ADAMTS17: variants seen among roughly 807,000 people sequenced by gnomAD.
The protein encoded by ADAMTS17 is ADAM metallopeptidase with thrombospondin type 1 motif 17.
In ADAMTS17, 113 loss-of-function variants were observed where a neutral mutation model predicts 141.5. The ratio of observed to expected loss-of-function variants is 0.80; its 90% CI spans 0.69 to 0.93. The LOEUF is 0.93. Ranked by LOEUF, ADAMTS17 falls within the 40% of genes least tolerant of loss-of-function variation. The pLI is 0.00. For synonymous variants in ADAMTS17, 768 were observed against 630.6 expected, an observed-to-expected ratio of 1.22 and a Z score of -3.27; for missense variants, 1,659 against 1,517.9, an observed-to-expected ratio of 1.09 and a Z score of -1.54.
Position 100,281,287 on chromosome 15 carries a change from A to G in ADAMTS17, c.731T>C (p.Met244Thr), listed in dbSNP as rs1351423563. The G allele has an allele frequency of 6.2e-7, 1 of 1,608,498 alleles. No homozygotes were observed. The highest frequency in any genetic ancestry group is 1.1e-5 in the South Asian group (1 of 91,020). The change falls in exon 4 of 22, where the codon ATG (methionine) becomes ACG (threonine). Residue 244 changes from methionine (M) to threonine (T), a missense_variant. Met to Thr is a moderately conservative substitution (Grantham distance 81). Transcript: ENST00000268070. ...GGCCTCGGCCCCGTGGTACTGCACC[A>G]TGTCGGCGTCGGCCACCACCAGGGT... Reference protein sequence around the residue: ...VETLVVADADMVQYHGAEAAQ... With the variant: ...VETLVVADADTVQYHGAEAAQ...
At chr15:100,309,409 C>T (rs867420543) in intron 3 of ADAMTS17, among the ~76,000 whole-genome samples, 1 of 152,186 alleles carries the variant, frequency 6.6e-6, no homozygotes, top group African/African-American at 2.4e-5. Flanking sequence ...TGATGGTGGT[C>T]GGCGCTGGGA....
intron 3 of ADAMTS17, among the ~76,000 whole-genome samples, chr15:100,303,376 T>G (rs185157225): frequency 7.9e-5 from 12 of 151,806 alleles, no homozygotes; most frequent in Non-Finnish European, 1.3e-4. Flanking sequence ...ACCGGACATA[T>G]GATTTAAAGA....
chr15:100,057,840 G>A lies in ADAMTS17; in HGVS notation c.2138-3786C>T, dbSNP rs78217151. On this transcript the variant is annotated intron_variant, in intron 15 of 21. Transcript: ENST00000268070. ...AGAGGACAGGCAGGAGTGCCAGTGC[G>A]GAGAGAAACCGTTTCTCCTGTGACA... 8.1e-3 allele frequency among the ~76,000 whole-genome samples: 1,233 copies of A among 152,156 alleles called. 13 individuals are homozygous for A. The highest frequency in any genetic ancestry group is 0.028 in the African/African-American group (1,162 of 41,492).
At chr15:100,235,779 G>A (rs1054299964) in intron 7 of ADAMTS17, among the ~76,000 whole-genome samples, 13 of 152,182 alleles carry the variant, frequency 8.5e-5, no homozygotes, top group African/African-American at 3.1e-4. Flanking sequence ...CACAGCCAAT[G>A]ATGATGGGGC....
At chr15:100,147,940 G>A (rs1207100088) in intron 10 of ADAMTS17, among the ~76,000 whole-genome samples, 2 of 152,250 alleles carry the variant, frequency 1.3e-5, no homozygotes, top group Non-Finnish European at 2.9e-5. Flanking sequence ...GAGGCTGTGA[G>A]GTTTCCTCGC....
rs189002965 is a variant in ADAMTS17, at chr15:99,971,782, C to A, written c.*2620G>T. The A allele has an allele frequency of 6.6e-6, 1 of 152,170 alleles. No homozygotes were observed. Among genetic ancestry groups the A allele is most frequent in the Non-Finnish European group, 1.5e-5 (1 of 68,020 alleles). The allele number at this position is 152,170 out of a possible 1,614,324, so 9.4% of individuals were successfully genotyped here. ...GTAGGGTCGTGAGACTCTGGTAACA[C>A]GTGCGTTAGTGACACGTGTGCAAGC... On this transcript the variant is annotated 3_prime_UTR_variant, in exon 22 of 22. Coordinates refer to ENST00000268070, the MANE Select transcript of ADAMTS17 (RefSeq NM_139057.4).
chr15:100,081,248 T>A (rs543526142), intron 15 of ADAMTS17, among the ~76,000 whole-genome samples: 134 of 152,182 alleles, frequency 8.8e-4, no homozygotes, highest in Non-Finnish European at 1.2e-3. Flanking sequence ...GACCCCAAGT[T>A]CTTCAGTTTT....
At chr15:100,269,412 TA>T (rs2043827778) in intron 4 of ADAMTS17, among the ~76,000 whole-genome samples, 1 of 152,268 alleles carries the variant, frequency 6.6e-6, no homozygotes, top group East Asian at 1.9e-4. Flanking sequence ...CTGTGGTAAC[TA>T]GACACATTGC....
chr15:100,117,199 T>C (rs988336470), intron 12 of ADAMTS17, among the ~76,000 whole-genome samples, 186 bp from the exon 13 acceptor site: 5 of 152,152 alleles, frequency 3.3e-5, no homozygotes, highest in Admixed American at 6.5e-5. Context: ...CATGTTTAAG[T>C]GAGCCCTCTG....
intron 7 of ADAMTS17, among the ~76,000 whole-genome samples, chr15:100,210,086 T>C (rs1336057087): frequency 6.6e-6 from 1 of 151,596 alleles, no homozygotes; most frequent in Non-Finnish European, 1.5e-5. Context: ...TACAAAAAAT[T>C]AGCCGGGCAT....
chr15:100,101,774 G>GTT (rs991990583), intron 14 of ADAMTS17, among the ~76,000 whole-genome samples: 8 of 152,180 alleles, frequency 5.3e-5, no homozygotes, highest in Non-Finnish European at 1.2e-4. Flanking sequence ...GATGGTACTT[G>GTT]TTTTTTCTGG....
rs111334418 is a variant in ADAMTS17 at position 100,024,907 on chromosome 15, T to C, written c.2591+23950A>G. On this transcript the variant is annotated intron_variant, in intron 18 of 21. Transcript: ENST00000268070. ...TGACCTGCTTCAAGTAAATAAACAA[T>C]AAGAACCACACTAACTGGACCCTTC... 2.1e-3 allele frequency among the ~76,000 whole-genome samples: 314 copies of C among 152,280 alleles called. 2 individuals carry two copies. Among genetic ancestry groups the C allele is most frequent in the African/African-American group, 6.9e-3 (288 of 41,566 alleles).
chr15:100,296,578 GGGGTGTGTGTGTGT>G (rs1239453054), intron 3 of ADAMTS17, among the ~76,000 whole-genome samples: 2 of 127,612 alleles, frequency 1.6e-5, no homozygotes, highest in Admixed American at 9.3e-5. Flanking sequence ...GGGGTGAGGG[GGGGTGTGTGTGTGT>G]GTGTGTGTGT....
chr15:100,023,773 A>G lies in ADAMTS17; in HGVS notation c.2591+25084T>C, dbSNP rs190639156. 3.3e-5 allele frequency among the ~76,000 whole-genome samples: 5 copies of G among 152,336 alleles called. No individual in the cohort carries two copies. In the East Asian group the frequency reaches 9.6e-4, roughly 29 times the overall value. ...ATGGTTCTCTATGAAGAAAACTGAC[A>G]AGTGACCTGGAGCTTACAAAAATGA... On this transcript the variant is annotated intron_variant, in intron 18 of 21. Transcript: ENST00000268070.
rs116009280 is a variant in ADAMTS17 at position 100,181,071 on chromosome 15, G to A, written c.1181+18247C>T. Among the ~76,000 whole-genome samples, 336 of 152,324 alleles carry A rather than the reference G, an allele frequency of 2.2e-3. 3 individuals are homozygous for A. The highest frequency in any genetic ancestry group is 7.0e-3 in the African/African-American group (293 of 41,570). On this transcript the variant is annotated intron_variant, in intron 8 of 21. Transcript: ENST00000268070. ...TCCTCCCTCCTCTTTCACAGGCAGA[G>A]GAGCCTCTTCCTGTGGCCACCGCCA...
rs150759919 is a variant in ADAMTS17, at chr15:100,152,061, G to A, written c.1473+551C>T. ...GTGAAGACTAATTGGGATCACACAT[G>A]TTGGAAGCGTTAGTACCAAACACTT... On this transcript the variant is annotated intron_variant, in intron 10 of 21. Coordinates refer to ENST00000268070, the MANE Select transcript of ADAMTS17 (RefSeq NM_139057.4). Among the ~76,000 whole-genome samples, 83 of 152,340 alleles carry A rather than the reference G, an allele frequency of 5.4e-4. No homozygotes were observed. The East Asian group carries it at 0.013, about 24-fold the overall frequency.
At chr15:100,222,128 T>C (rs944546313) in intron 7 of ADAMTS17, among the ~76,000 whole-genome samples, 3 of 152,212 alleles carry the variant, frequency 2.0e-5, no homozygotes, top group African/African-American at 7.2e-5. Flanking sequence ...CCCAGCAATT[T>C]GCAACGTGAC....
chr15:100,082,032 G>C (rs118053277), intron 15 of ADAMTS17, among the ~76,000 whole-genome samples: 2,611 of 152,234 alleles, frequency 0.017, 27 homozygotes, highest in East Asian at 0.054. Flanking sequence ...CAGTCTATCA[G>C]TCTATCATCT....
chr15:100,181,190 C>T (rs977075652), intron 8 of ADAMTS17, among the ~76,000 whole-genome samples: 6 of 152,082 alleles, frequency 3.9e-5, no homozygotes, highest in African/African-American at 7.2e-5. Flanking sequence ...TGCCAGACAT[C>T]GGACTCACCA....
Sources: allele counts gnomAD v4.1 joint callset (sites outside exome capture counted in the v4.1 genomes callset), GRCh38; gene constraint gnomAD v4.1.1; transcripts MANE v1.5; gene names NCBI Gene and HGNC (gene_info 2026-07-23, HGNC 2026-07-21).